The following CACNA1B variants were observed in gnomAD, a reference collection of about 807,000 sequenced individuals.
CACNA1B encodes the protein calcium voltage-gated channel subunit alpha1 B.
A neutral mutation model predicts 247.2 loss-of-function variants in CACNA1B; 70 were observed. That is an observed-to-expected ratio of 0.28 (90% CI 0.23 to 0.35). The LOEUF is 0.35. Ranked by LOEUF, CACNA1B falls within the 10% of genes least tolerant of loss-of-function variation. The pLI, the probability that CACNA1B is intolerant of heterozygous loss-of-function variation, is 1.00. For missense variants in CACNA1B, 2,367 were observed against 3,197.4 expected (o/e 0.74, Z 6.26); for synonymous variants, 1,231 against 1,294.4 (o/e 0.95, Z 1.05).
chr9:137,883,304 AATT>A (rs1216126786), intron 3 of CACNA1B, among the ~76,000 whole-genome samples: 4 of 151,200 alleles, frequency 2.6e-5, no homozygotes. Context: ...TGGCGGTTTG[AATT>A]CTGTGCCTGC....
chr9:137,949,724 C>A (rs1424743418), intron 6 of CACNA1B, among the ~76,000 whole-genome samples: 2 of 152,042 alleles, frequency 1.3e-5, no homozygotes, highest in African/African-American at 4.8e-5. Context: ...GGAGACTTTT[C>A]CCTTACCCAG....
chr9:137,909,060 G>A (rs1170086128), intron 3 of CACNA1B, among the ~76,000 whole-genome samples: 1 of 147,538 alleles, frequency 6.8e-6, no homozygotes, highest in Non-Finnish European at 1.5e-5. Context: ...GTGCAATCTC[G>A]GCTCACTGCA....
chr9:137,942,609 G>C (rs1957745631), intron 6 of CACNA1B, among the ~76,000 whole-genome samples: 1 of 152,096 alleles, frequency 6.6e-6, no homozygotes. Flanking sequence ...AAGAAACTGT[G>C]ATATATATAT....
chr9:138,023,311 C>G lies in CACNA1B; in HGVS notation c.2568C>G (p.Asp856Glu), dbSNP rs1400846152. ...CGCGCAGGCACCACCGGCACCGCGA[C>G]AAGGACAAGACCCCCGCGGCGGGGG... ...DPPRRHHRHR[D>E]KDKTPAAGDQ... is the part of the protein sequence containing the mutation. The change falls in exon 19 of 47, where the codon GAC becomes GAG. Residue 856 changes from aspartate (D) to glutamate (E), a missense_variant. Physicochemically the swap from Asp to Glu is conservative, Grantham distance 45. Coordinates refer to ENST00000371372, the MANE Select transcript of CACNA1B (RefSeq NM_000718.4). 9.5e-5 allele frequency: 144 copies of G among 1,514,810 alleles called. No individual in the cohort carries two copies. The highest frequency in any genetic ancestry group is 1.2e-4 in the Non-Finnish European group (140 of 1,139,460). The allele number at this position is 1,514,810 out of a possible 1,614,324, so 93.8% of individuals were successfully genotyped here. A position where few individuals can be genotyped will look rare whatever the true frequency, so the allele number is the denominator to read the frequency against.
rs531243963 is a variant in CACNA1B at position 137,897,972 on chromosome 9, G to T, written c.530+15089G>T. 2.6e-5 allele frequency among the ~76,000 whole-genome samples: 4 copies of T among 152,224 alleles called. No individual in the cohort carries two copies. In the South Asian group the frequency reaches 6.2e-4, roughly 24 times the overall value. Reference sequence around the variant, plus strand: ...ATAAAAATAATATTCTTTCTGTTTAGATAAATTTCTTTAATTATTCTTTCA... The same window carrying T: ...ATAAAAATAATATTCTTTCTGTTTATATAAATTTCTTTAATTATTCTTTCA... On this transcript the variant is annotated intron_variant, in intron 3 of 46. Coordinates refer to ENST00000371372, the MANE Select transcript of CACNA1B (RefSeq NM_000718.4).
rs1281974691 is a variant in CACNA1B at position 137,950,148 on chromosome 9, G to A, written c.967-2126G>A. On this transcript the variant is annotated intron_variant, in intron 6 of 46. Transcript: ENST00000371372. This position sits in a 1 kb window ranked among gnomAD's most constrained non-coding sequence, Gnocchi z 4.8. ...GGCATCTGTTGACTTATGGTAGCGT[G>A]TTCTCCTTACTGCTGGGCGGGGGTG... Among the ~76,000 whole-genome samples the A allele has an allele frequency of 6.6e-6, 1 of 152,184 alleles. No individual in the cohort carries two copies. Among genetic ancestry groups the A allele is most frequent in the Non-Finnish European group, 1.5e-5 (1 of 68,028 alleles).
intron 35 of CACNA1B, among the ~76,000 whole-genome samples, chr9:138,077,036 AC>A (rs1193991457): frequency 6.6e-6 from 1 of 152,148 alleles, no homozygotes; most frequent in African/African-American, 2.4e-5. Flanking sequence ...CTTAAGGCAA[AC>A]CTATGAAGTC....
chr9:138,023,037 G>T lies in CACNA1B; in HGVS notation c.2294G>T (p.Arg765Leu). ...AARQQNSAKARSVWEQRASQL... is the reference protein window; with the variant it reads ...AARQQNSAKALSVWEQRASQL... ...AGGCAGCAGAACTCGGCCAAGGCGC[G>T]CTCGGTGTGGGAGCAGCGGGCCAGC... is the stretch of plus-strand genomic sequence containing the variant. The change falls in exon 19 of 47, where the codon CGC (arginine) becomes CTC (leucine). Residue 765 changes from arginine to leucine, a missense_variant. Physicochemically the swap from Arg to Leu is moderately radical, Grantham distance 102. Coordinates refer to ENST00000371372, the MANE Select transcript of CACNA1B (RefSeq NM_000718.4). 1 of 1,524,404 alleles carries T rather than the reference G, an allele frequency of 6.6e-7. No individual in the cohort carries two copies. Among genetic ancestry groups the T allele is most frequent in the Non-Finnish European group, 8.8e-7 (1 of 1,142,606 alleles). The allele number at this position is 1,524,404 out of a possible 1,614,324, so 94.4% of individuals were successfully genotyped here.
intron 6 of CACNA1B, among the ~76,000 whole-genome samples, chr9:137,951,806 G>A (rs1957880728): frequency 6.6e-6 from 1 of 152,238 alleles, no homozygotes; most frequent in Admixed American, 6.5e-5. Context: ...TTGCCTCTCA[G>A]CTGTGGGAGC....
intron 3 of CACNA1B, among the ~76,000 whole-genome samples, chr9:137,909,864 G>C (rs569005221): frequency 6.6e-6 from 1 of 151,864 alleles, no homozygotes. Context: ...TCCACCTCTC[G>C]GGTTCAAGTG....
At chr9:138,109,596 C>G (rs1056737031) in intron 39 of CACNA1B, among the ~76,000 whole-genome samples, 4 of 152,194 alleles carry the variant, frequency 2.6e-5, no homozygotes, top group Non-Finnish European at 5.9e-5. Context: ...ACTCCTTGAA[C>G]TGATCACCTC....
In CACNA1B at chr9:137,881,774, G is replaced by T. The variant is rs544454050; in HGVS notation, c.391-970G>T. ...CCACCCTGTTTGCTGCTTCCAGCTC[G>T]GCACTGGTAGGGCCTGGCTCTGCTC... On this transcript the variant is annotated intron_variant, in intron 2 of 46. Transcript: ENST00000371372. This position sits in a 1 kb window ranked among gnomAD's most constrained non-coding sequence, Gnocchi z 4.3. 2.1e-4 allele frequency among the ~76,000 whole-genome samples: 32 copies of T among 152,324 alleles called. No homozygotes were observed. Among genetic ancestry groups the T allele is most frequent in the African/African-American group, 7.7e-4 (32 of 41,572 alleles).
chr9:137,925,868 G>T (rs1957543472), intron 6 of CACNA1B, among the ~76,000 whole-genome samples: 1 of 150,214 alleles, frequency 6.7e-6, no homozygotes, highest in South Asian at 2.1e-4. Flanking sequence ...TCAGCCTCCG[G>T]AGTAGCTGGG....
At chr9:137,929,933 C>T (rs1009364507) in intron 6 of CACNA1B, among the ~76,000 whole-genome samples, 7 of 152,066 alleles carry the variant, frequency 4.6e-5, no homozygotes, top group East Asian at 1.9e-4. Context: ...GGACCACACG[C>T]GCATGCTACC....
rs1957932454 is a variant in CACNA1B at position 137,955,162 on chromosome 9, C to T, written c.1071-536C>T. On this transcript the variant is annotated intron_variant, in intron 7 of 46. Transcript: ENST00000371372. This position sits in a 1 kb window ranked among gnomAD's most constrained non-coding sequence, Gnocchi z 6.9. ...TGGACTCTGCGGTATTACCCTTCTG[C>T]CTCTGGCCTGCCCTGACCCAGTCCC... Among the ~76,000 whole-genome samples, 1 of 152,164 alleles carries T rather than the reference C, an allele frequency of 6.6e-6. No individual in the cohort carries two copies. The highest frequency in any genetic ancestry group is 6.5e-5 in the Admixed American group (1 of 15,274).
At chr9:138,105,240 G>C (rs1315886013) in intron 38 of CACNA1B, among the ~76,000 whole-genome samples, 1 of 152,220 alleles carries the variant, frequency 6.6e-6, no homozygotes, top group Non-Finnish European at 1.5e-5. Flanking sequence ...GGGCCCCAGA[G>C]AGGCACCCTG....
At chr9:137,998,283 C>T (rs897605864) in intron 15 of CACNA1B, among the ~76,000 whole-genome samples, 4 of 152,054 alleles carry the variant, frequency 2.6e-5, no homozygotes, top group African/African-American at 4.8e-5. Context: ...TAAAGGGATA[C>T]GAAAAGATGA....
intron 25 of CACNA1B, among the ~76,000 whole-genome samples, chr9:138,053,570 A>G (rs1335028232): frequency 1.9e-4 from 29 of 149,602 alleles, no homozygotes; most frequent in Non-Finnish European, 3.0e-5. Flanking sequence ...ACCTCTTGTC[A>G]TGGCTCCACT....
rs770429236 is a variant in CACNA1B at position 138,047,020 on chromosome 9, C to T, written c.3530C>T (p.Ser1177Leu). Residue 1177 changes from serine (S) to leucine (L), a missense_variant, in exon 22 of 47, where the codon TCG (serine) becomes TTG (leucine). Physicochemically the swap from Ser to Leu is moderately radical, Grantham distance 145. This residue lies in a region of CACNA1B where 436 missense variants were observed against 679.5 expected (regional missense o/e 0.64). Transcript: ENST00000371372. The part of the protein sequence containing the change: ...LAAEDPVRTD[S>L]PRNNALKYLD... ...GCTGAGGACCCAGTGCGCACAGACTCGCCCAGGAACAACGTGAGTGGCCCG... is the reference window on the plus strand; with the variant it reads ...GCTGAGGACCCAGTGCGCACAGACTTGCCCAGGAACAACGTGAGTGGCCCG... 5.0e-6 allele frequency: 8 copies of T among 1,610,836 alleles called. No homozygotes were observed. The highest frequency in any genetic ancestry group is 3.3e-5 in the South Asian group (3 of 90,820).
Sources: allele counts gnomAD v4.1 joint callset (sites outside exome capture counted in the v4.1 genomes callset), GRCh38; gene constraint gnomAD v4.1.1; regional missense constraint gnomAD v4.1.1; non-coding constraint Gnocchi (gnomAD v3.1); transcripts MANE v1.5; gene names NCBI Gene and HGNC (gene_info 2026-07-23, HGNC 2026-07-21).